CDH18: variants seen among roughly 807,000 people sequenced by gnomAD.
CDH18 encodes cadherin 18, also known as cadherin-18.
A neutral mutation model predicts 67.9 loss-of-function variants in CDH18; 31 were observed. The ratio of observed to expected loss-of-function variants is 0.46; its 90% confidence interval spans 0.34 to 0.62. The LOEUF (loss-of-function observed/expected upper bound fraction) is 0.62, where lower values mean the gene tolerates loss of function less well. Ranked by LOEUF, CDH18 falls within the 20% of genes least tolerant of loss-of-function variation. The pLI, the probability that CDH18 is intolerant of heterozygous loss-of-function variation, is 0.01. For synonymous variants in CDH18, 362 were observed against 347.2 expected, an observed-to-expected ratio of 1.04 and a Z score of -0.48; for missense variants, 890 against 975.5, an observed-to-expected ratio of 0.91 and a Z score of 1.17.
chr5:19,863,128 T>C (rs766206554), intron 2 of CDH18, among the ~76,000 whole-genome samples: 17 of 152,104 alleles, frequency 1.1e-4, no homozygotes, highest in East Asian at 1.9e-4. Context: ...GGTTGTCTTA[T>C]GCCTGGCCCT....
intron 2 of CDH18, among the ~76,000 whole-genome samples, chr5:20,159,945 C>T (rs768904926): frequency 1.3e-5 from 2 of 152,122 alleles, no homozygotes; most frequent in Non-Finnish European, 2.9e-5. Context: ...TTCATTTCAA[C>T]ATAGTAGTGT....
intron 2 of CDH18, among the ~76,000 whole-genome samples, chr5:20,056,514 G>C (rs1741984754): frequency 1.1e-5 from 1 of 93,606 alleles, no homozygotes; most frequent in South Asian, 3.6e-4. Flanking sequence ...TGCAGGGAAA[G>C]GGATTGGTTC....
chr5:19,560,742 A>G (rs1041116107), intron 8 of CDH18, among the ~76,000 whole-genome samples: 2 of 152,148 alleles, frequency 1.3e-5, no homozygotes, highest in Non-Finnish European at 2.9e-5. Flanking sequence ...TGAGTGGGGG[A>G]AAATCTTCAC....
chr5:20,408,274 A>T lies in CDH18; in HGVS notation c.-579-152769T>A, dbSNP rs553139783. On this transcript the variant is annotated intron_variant, in intron 1 of 14. Transcript: ENST00000507958. ...AATGTTAAATTGAAAACAATGCTCAAATTGAAACAAAAGTATGCCAAAGAG... is the reference window on the plus strand; with the variant it reads ...AATGTTAAATTGAAAACAATGCTCATATTGAAACAAAAGTATGCCAAAGAG... Among the ~76,000 whole-genome samples, 206 of 152,238 alleles carry T rather than the reference A, an allele frequency of 1.4e-3. 2 individuals carry two copies. The highest frequency in any genetic ancestry group is 4.9e-3 in the African/African-American group (203 of 41,590).
chr5:20,574,755 C>G (rs375961380), intron 1 of CDH18, among the ~76,000 whole-genome samples: 3 of 152,012 alleles, frequency 2.0e-5, no homozygotes, highest in African/African-American at 4.8e-5. Flanking sequence ...ATGCTTAACC[C>G]GCACGTAGCA....
intron 2 of CDH18, among the ~76,000 whole-genome samples, chr5:20,087,457 C>T (rs936147006): frequency 4.8e-5 from 7 of 146,636 alleles, no homozygotes; most frequent in Non-Finnish European, 9.0e-5. Flanking sequence ...CAGTATTCCA[C>T]GTGACAGAGA....
intron 6 of CDH18, among the ~76,000 whole-genome samples, chr5:19,609,962 G>C (rs899451504): frequency 6.6e-6 from 1 of 152,050 alleles, no homozygotes; most frequent in South Asian, 2.1e-4. Flanking sequence ...GTACATAGCT[G>C]TTTAATAAGC....
intron 1 of CDH18, among the ~76,000 whole-genome samples, chr5:20,482,374 A>G (rs1356884452): frequency 6.6e-6 from 1 of 152,118 alleles, no homozygotes; most frequent in African/African-American, 2.4e-5. Context: ...ACTAATACCA[A>G]TCCTACTCAA....
intron 3 of CDH18, among the ~76,000 whole-genome samples, chr5:19,805,414 C>G (rs1777938873): frequency 6.6e-6 from 1 of 152,052 alleles, no homozygotes; most frequent in Non-Finnish European, 1.5e-5. Flanking sequence ...TTTTCTCTTT[C>G]CCCTTTGAAG....
At chr5:20,357,207 G>T (rs1327196358) in intron 1 of CDH18, among the ~76,000 whole-genome samples, 1 of 152,030 alleles carries the variant, frequency 6.6e-6, no homozygotes. Flanking sequence ...GATCTTTAAT[G>T]TGATTCCAAA....
chr5:19,855,514 C>T lies in CDH18; in HGVS notation c.-256-16272G>A, dbSNP rs145056930. ...ATTTTTTTTCTTGTTTTAAGCAATA[C>T]ATTTTTATTATCTATAAAAAATCAA... On this transcript the variant is annotated intron_variant, in intron 2 of 12. Coordinates refer to ENST00000382275, the MANE Select transcript of CDH18 (RefSeq NM_004934.5). 6.9e-3 allele frequency among the ~76,000 whole-genome samples: 1,053 copies of T among 152,032 alleles called. 4 individuals carry two copies. Among genetic ancestry groups the T allele is most frequent in the Middle Eastern group, 0.02 (6 of 294 alleles).
intron 2 of CDH18, among the ~76,000 whole-genome samples, chr5:19,868,083 C>A (rs1411011710): frequency 6.6e-6 from 1 of 152,120 alleles, no homozygotes; most frequent in African/African-American, 2.4e-5. Flanking sequence ...TCAATTAAAC[C>A]TCTTTCTTTT....
intron 2 of CDH18, among the ~76,000 whole-genome samples, chr5:20,039,995 T>G (rs1235963373): frequency 6.6e-6 from 1 of 151,928 alleles, no homozygotes; most frequent in Non-Finnish European, 1.5e-5. Flanking sequence ...TTCAACAAAT[T>G]TACAAGGTAG....
chr5:20,362,882 C>A (rs77161156), intron 1 of CDH18, among the ~76,000 whole-genome samples: 3,380 of 152,180 alleles, frequency 0.022, 91 homozygotes, highest in East Asian at 0.06. Context: ...GTAGCATTTA[C>A]AAGGAAAACA....
chr5:19,817,223 CTA>C (rs1303010961), intron 3 of CDH18, among the ~76,000 whole-genome samples: 1 of 151,846 alleles, frequency 6.6e-6, no homozygotes, highest in African/African-American at 2.4e-5. Context: ...AAAAACAACC[CTA>C]TGTGTTGTTA....
At chr5:20,296,076 A>T (rs1385055507) in intron 1 of CDH18, among the ~76,000 whole-genome samples, 16 of 149,808 alleles carry the variant, frequency 1.1e-4, no homozygotes, top group Non-Finnish European at 1.8e-4. Context: ...GGGTTTCGCC[A>T]CGTTGGCCAG....
At chr5:19,924,488 TGG>T (rs916403264) in intron 2 of CDH18, among the ~76,000 whole-genome samples, 1 of 151,512 alleles carries the variant, frequency 6.6e-6, no homozygotes, top group Non-Finnish European at 1.5e-5. Flanking sequence ...TAGCTCGGAG[TGG>T]TGGCAGGCGC....
At chr5:20,333,843 T>C (rs904899434) in intron 1 of CDH18, among the ~76,000 whole-genome samples, 1 of 151,924 alleles carries the variant, frequency 6.6e-6, no homozygotes, top group African/African-American at 2.4e-5. Context: ...GTAAAACTTA[T>C]AGATGTAAAT....
rs144379597 is a variant in CDH18 at position 20,437,222 on chromosome 5, A to G, written c.-580+138240T>C. On this transcript the variant is annotated intron_variant, in intron 1 of 14. Coordinates refer to the CDH18 transcript ENST00000507958. Reference sequence around the variant, plus strand: ...TGAAGACTTTTTGTTTAATATAAATACTACATTGCCTTGCCTTATATACCT... The same window carrying G: ...TGAAGACTTTTTGTTTAATATAAATGCTACATTGCCTTGCCTTATATACCT... 1.9e-3 allele frequency among the ~76,000 whole-genome samples: 284 copies of G among 151,404 alleles called. 5 individuals are homozygous for G. Among genetic ancestry groups the G allele is most frequent in the African/African-American group, 6.7e-3 (277 of 41,202 alleles).
Sources: allele counts gnomAD v4.1 joint callset (sites outside exome capture counted in the v4.1 genomes callset), GRCh38; gene constraint gnomAD v4.1.1; transcripts MANE v1.5; gene names NCBI Gene and HGNC (gene_info 2026-07-23, HGNC 2026-07-21).